The following DTNB variants were observed in gnomAD, a reference collection of about 807,000 sequenced individuals.
DTNB encodes dystrobrevin beta, also known as DTN-B.
Under a neutral mutation model 90.7 loss-of-function variants are expected in DTNB, and 63 were observed. The observed-to-expected ratio is 0.69, with a 90% confidence interval of 0.57 to 0.86. DTNB has a LOEUF of 0.86. DTNB is among the 40% of genes least tolerant of loss of function. The pLI is 0.00. For missense variants in DTNB, 744 were observed against 807.1 expected (o/e 0.92, Z 0.95); for synonymous variants, 277 against 286.7 (o/e 0.97, Z 0.34).
intron 4 of DTNB, among the ~76,000 whole-genome samples, chr2:25,624,557 C>G (rs1334418582): frequency 6.6e-6 from 1 of 152,186 alleles, no homozygotes; most frequent in Non-Finnish European, 1.5e-5. Flanking sequence ...TGCCTCTGGA[C>G]CCCTCAGTTT....
chr2:25,537,885 A>C (rs1423049722), intron 8 of DTNB, among the ~76,000 whole-genome samples: 1 of 152,180 alleles, frequency 6.6e-6, no homozygotes, highest in African/African-American at 2.4e-5. Flanking sequence ...ACTTCATTTA[A>C]GCTCCTATAT....
chr2:25,591,720 A>G (rs2063608544), intron 6 of DTNB, among the ~76,000 whole-genome samples: 1 of 152,154 alleles, frequency 6.6e-6, no homozygotes, highest in Non-Finnish European at 1.5e-5. Context: ...CAATTTTTCT[A>G]TTATTAAAAT....
intron 4 of DTNB, among the ~76,000 whole-genome samples, chr2:25,627,187 C>T (rs543609941): frequency 2.6e-5 from 4 of 152,204 alleles, no homozygotes; most frequent in South Asian, 2.1e-4. Context: ...CCAAGGTGGG[C>T]GGATCACCTG....
At chr2:25,482,649 G>A in intron 10 of DTNB, 147 bp downstream of exon 10, 1 of 760,110 alleles carries the variant, frequency 1.3e-6, no homozygotes, top group Non-Finnish European at 2.2e-6. Context: ...TAGAAATTAA[G>A]ACTAAAAGAC....
chr2:25,659,900 A>G (rs1013997535), intron 1 of DTNB, among the ~76,000 whole-genome samples: 5 of 152,216 alleles, frequency 3.3e-5, no homozygotes, highest in Non-Finnish European at 7.3e-5. Flanking sequence ...GCAGAAAAAA[A>G]GGAAAACTAC....
chr2:25,562,973 T>C (rs58994424), intron 8 of DTNB, among the ~76,000 whole-genome samples: 2,858 of 152,236 alleles, frequency 0.019, 90 homozygotes, highest in African/African-American at 0.063. Flanking sequence ...TTTCACTGTG[T>C]TGGGCAGGCT....
chr2:25,463,949 G>A (rs2061395984), intron 10 of DTNB, among the ~76,000 whole-genome samples: 1 of 152,176 alleles, frequency 6.6e-6, no homozygotes, highest in Admixed American at 6.5e-5. Flanking sequence ...TGCCCAGGCT[G>A]CACTGGAGTG....
intron 8 of DTNB, among the ~76,000 whole-genome samples, chr2:25,570,968 C>G (rs2059779327): frequency 6.6e-6 from 1 of 152,186 alleles, no homozygotes; most frequent in Non-Finnish European, 1.5e-5. Context: ...GGACGGATAT[C>G]TAATAAGCAA....
chr2:25,396,392 T>A (rs540945086), intron 16 of DTNB, among the ~76,000 whole-genome samples: 1 of 152,052 alleles, frequency 6.6e-6, no homozygotes, highest in South Asian at 2.1e-4. Flanking sequence ...ATGTCTGTAA[T>A]ACCAGCTACT....
intron 12 of DTNB, among the ~76,000 whole-genome samples, chr2:25,443,107 A>C (rs1029518259): frequency 6.6e-6 from 1 of 152,234 alleles, no homozygotes. Flanking sequence ...AGACCTAACA[A>C]TGAATGCAAC....
chr2:25,570,155 G>A (rs960981506), intron 8 of DTNB, among the ~76,000 whole-genome samples: 1 of 151,356 alleles, frequency 6.6e-6, no homozygotes, highest in African/African-American at 2.4e-5. Context: ...GCTTATGCCT[G>A]TAATCCCAGC....
rs1558884070 is a variant in DTNB at position 25,526,378 on chromosome 2, T to TAA, written c.1001+5094_1001+5095insTT. On this transcript the variant is annotated intron_variant, in intron 9 of 20. Transcript: ENST00000406818. ...ATATATATAAATATATATATATATA[T>TAA]ATATATATATATATATATTTTTTTT... 2.9e-4 allele frequency among the ~76,000 whole-genome samples: 15 copies of TAA among 51,240 alleles called. 1 individual carries two copies. Among genetic ancestry groups the TAA allele is most frequent in the African/African-American group, 1.8e-3 (15 of 8,360 alleles). The allele number at this position is 51,240 out of a possible 152,430, so 33.6% of individuals were successfully genotyped here.
intron 9 of DTNB, among the ~76,000 whole-genome samples, chr2:25,495,469 A>C (rs895259891): frequency 6.6e-6 from 1 of 152,192 alleles, no homozygotes; most frequent in Non-Finnish European, 1.5e-5. Flanking sequence ...AAAGAAAACC[A>C]GTTTTCTTAT....
chr2:25,512,794 T>A (rs1255523532), intron 9 of DTNB, among the ~76,000 whole-genome samples: 1 of 152,116 alleles, frequency 6.6e-6, no homozygotes, highest in Non-Finnish European at 1.5e-5. Flanking sequence ...ATGAGCTAGC[T>A]TGGTGGAAAG....
At chr2:25,589,367 C>CCTT (rs2063077143) in intron 6 of DTNB, among the ~76,000 whole-genome samples, 1 of 57,556 alleles carries the variant, frequency 1.7e-5, no homozygotes, top group African/African-American at 8.1e-5. Context: ...TTTTTCTTTT[C>CCTT]TTTTTTTTTT....
intron 13 of DTNB, 150 bp from the exon 14 acceptor site, chr2:25,433,149 C>T: frequency 3.0e-6 from 2 of 672,078 alleles, no homozygotes; most frequent in South Asian, 1.9e-5. Flanking sequence ...AAATGGACAC[C>T]TTCTCAATAC....
At position 25,520,849 on chromosome 2, in the gene DTNB, C is replaced by T. The variant is rs115797715; in HGVS notation, c.1001+10624G>A. ...GTTAAAATAGAACAAATTAGAGCCA[C>T]ATTAAAGTATTACTGTAATTACAGT... On this transcript the variant is annotated intron_variant, in intron 9 of 20. Coordinates refer to ENST00000406818, the MANE Select transcript of DTNB (RefSeq NM_021907.5). Among the ~76,000 whole-genome samples the T allele has an allele frequency of 6.1e-3, 922 of 152,262 alleles. 4 individuals carry two copies. Among genetic ancestry groups the T allele is most frequent in the Non-Finnish European group, 0.01 (704 of 68,014 alleles).
chr2:25,398,792 T>C (rs1369194907), intron 16 of DTNB, among the ~76,000 whole-genome samples: 1 of 152,088 alleles, frequency 6.6e-6, no homozygotes, highest in African/African-American at 2.4e-5. Context: ...TACTATCTCC[T>C]CTAGGATGAG....
intron 8 of DTNB, among the ~76,000 whole-genome samples, chr2:25,550,291 T>C (rs1008228248): frequency 2.6e-5 from 4 of 152,008 alleles, no homozygotes; most frequent in Non-Finnish European, 4.4e-5. Flanking sequence ...CTCGGGAGGC[T>C]GAGGCAAGAG....
Sources: allele counts gnomAD v4.1 joint callset (sites outside exome capture counted in the v4.1 genomes callset), GRCh38; gene constraint gnomAD v4.1.1; transcripts MANE v1.5; gene names NCBI Gene and HGNC (gene_info 2026-07-23, HGNC 2026-07-21).